KIF1B: variants seen among roughly 807,000 people sequenced by gnomAD.
KIF1B encodes kinesin-like protein KIF1B.
KIF1B carries 76 observed loss-of-function variants against 241.9 expected under a neutral mutation model. The observed-to-expected ratio is 0.31, with a 90% CI of 0.26 to 0.38. KIF1B has a LOEUF of 0.38. KIF1B is among the 10% of genes least tolerant of loss of function. The pLI is 1.00. For synonymous variants in KIF1B, 750 were observed against 796.7 expected (o/e 0.94, Z 0.99); for missense variants, 1,622 against 2,271.4 (o/e 0.71, Z 5.81).
At chr1:10,230,902 T>G (rs1646971545) in intron 1 of KIF1B, 1 of 152,144 alleles carries the variant, frequency 6.6e-6, no homozygotes, top group Admixed American at 6.6e-5. Context: ...CAGTGGCATA[T>G]CTGAGGGATC....
chr1:10,354,744 C>A (rs1007423484), intron 38 of KIF1B, among the ~76,000 whole-genome samples: 7 of 152,132 alleles, frequency 4.6e-5, no homozygotes, highest in African/African-American at 1.7e-4. Flanking sequence ...AGTGTCTGGG[C>A]AAATGAGACA....
At chr1:10,296,699 T>C (rs200888780) in intron 20 of KIF1B, 34 bp downstream of exon 20, 3 of 1,573,558 alleles carry the variant, frequency 1.9e-6, no homozygotes, top group African/African-American at 2.7e-5. Flanking sequence ...TCTTCAGCAA[T>C]GTGCACATGG....
chr1:10,217,245 AT>A (rs1646781186), intron 1 of KIF1B, among the ~76,000 whole-genome samples: 1 of 149,068 alleles, frequency 6.7e-6, no homozygotes, highest in African/African-American at 2.5e-5. Flanking sequence ...AAATGTTGGG[AT>A]TACGGGCGTG....
intron 24 of KIF1B, 22 bp from the exon 25 acceptor site, chr1:10,323,862 A>G (rs369667787): frequency 1.1e-5 from 18 of 1,607,984 alleles, no homozygotes; most frequent in African/African-American, 6.7e-5. Flanking sequence ...CCATTTGTCA[A>G]TGGTTTATTC....
intron 2 of KIF1B, among the ~76,000 whole-genome samples, chr1:10,242,466 C>G (rs576007359): frequency 1.1e-4 from 17 of 152,294 alleles, no homozygotes; most frequent in African/African-American, 4.1e-4. Context: ...TGGATCTAAA[C>G]ATATCTAACC....
At chr1:10,346,696 G>A (rs1325023218) in intron 35 of KIF1B, among the ~76,000 whole-genome samples, 1 of 152,176 alleles carries the variant, frequency 6.6e-6, no homozygotes, top group African/African-American at 2.4e-5. Flanking sequence ...ATCATAATGG[G>A]TTTTATTAGT....
At position 10,371,231 on chromosome 1, in the gene KIF1B, G is replaced by A. The variant is rs369686427; in HGVS notation, c.4915G>A (p.Val1639Ile). ...TCCCTCCTCCACCTGTCCCTCTCTGGTAGACTCTAGGAGCAACTCTCTGGA... is the reference window on the plus strand; with the variant it reads ...TCCCTCCTCCACCTGTCCCTCTCTGATAGACTCTAGGAGCAACTCTCTGGA... ...LTPSSTCPSL[V>I]DSRSNSLDQK... The change falls in exon 45 of 49, where the codon GTA (valine) becomes ATA (isoleucine). Residue 1639 changes from valine (V) to isoleucine (I), a missense_variant. By Grantham distance (29) the Val-to-Ile change is conservative. Transcript: ENST00000676179. 6.2e-7 allele frequency: 1 copy of A among 1,613,964 alleles called. No homozygotes were observed. The highest frequency in any genetic ancestry group is 8.5e-7 in the Non-Finnish European group (1 of 1,180,006).
intron 6 of KIF1B, 46 bp downstream of exon 6, chr1:10,267,604 G>T (rs752344181): frequency 6.3e-7 from 1 of 1,593,808 alleles, no homozygotes; most frequent in South Asian, 1.1e-5. Flanking sequence ...GGCACCTTTT[G>T]AGGTCCTTTT....
chr1:10,287,740 G>C (rs1388959912), intron 15 of KIF1B, among the ~76,000 whole-genome samples: 1 of 152,208 alleles, frequency 6.6e-6, no homozygotes, highest in African/African-American at 2.4e-5. Flanking sequence ...TTCCTAGACA[G>C]TAATTTTGCT....
chr1:10,213,735 C>G (rs1386830358), intron 1 of KIF1B, among the ~76,000 whole-genome samples: 2 of 152,146 alleles, frequency 1.3e-5, no homozygotes, highest in Non-Finnish European at 2.9e-5. Flanking sequence ...TATCTGGATT[C>G]TGTGAAACAG....
chr1:10,304,544 A>T, intron 22 of KIF1B: 1 of 1,614,130 alleles, frequency 6.2e-7, no homozygotes, highest in Non-Finnish European at 8.5e-7. Context: ...TATCAGAAGC[A>T]GACTGACAAA....
At chr1:10,350,282 G>A (rs1020900427) in intron 37 of KIF1B, among the ~76,000 whole-genome samples, 4 of 140,116 alleles carry the variant, frequency 2.9e-5, no homozygotes, top group South Asian at 2.3e-4. Flanking sequence ...TAAATAGGCC[G>A]GGCGTGGTGG....
rs537908242 is a variant in KIF1B at position 10,375,537 on chromosome 1, C to T, written c.5408+164C>T. ...TAGCTGAGACTACAGGCACGTGCCACCATTGCCTGGCTAATTTTCGTATTT... is the reference window on the plus strand; with the variant it reads ...TAGCTGAGACTACAGGCACGTGCCATCATTGCCTGGCTAATTTTCGTATTT... On this transcript the variant is annotated intron_variant, in intron 48 of 48. Coordinates refer to ENST00000676179, the MANE Select transcript of KIF1B (RefSeq NM_001365951.3). Among the ~76,000 whole-genome samples the T allele has an allele frequency of 1.8e-3, 270 of 152,184 alleles. 1 individual carries two copies. The highest frequency in any genetic ancestry group is 6.2e-3 in the African/African-American group (257 of 41,522).
intron 1 of KIF1B, among the ~76,000 whole-genome samples, chr1:10,223,795 C>T (rs972982606): frequency 9.2e-5 from 14 of 152,046 alleles, no homozygotes; most frequent in African/African-American, 3.4e-4. Flanking sequence ...CCGCCCGCCT[C>T]GGCCTCCCAA....
rs375971875 is a variant in KIF1B, at chr1:10,318,334, G to T, written c.2116-1709G>T. 2.6e-5 allele frequency among the ~76,000 whole-genome samples: 4 copies of T among 151,632 alleles called. No individual in the cohort carries two copies. The East Asian group carries it at 7.7e-4, about 29-fold the overall frequency. On this transcript the variant is annotated intron_variant, in intron 22 of 48. Transcript: ENST00000676179. ...CTTTATGATGCATGGAATGTTTGATGTGGGACTTGGAGAGCTCTGTTTGGA... is the reference window on the plus strand; with the variant it reads ...CTTTATGATGCATGGAATGTTTGATTTGGGACTTGGAGAGCTCTGTTTGGA...
intron 24 of KIF1B, 68 bp downstream of exon 24, chr1:10,321,925 T>A: frequency 6.4e-7 from 1 of 1,567,640 alleles, no homozygotes; most frequent in Non-Finnish European, 8.8e-7. Flanking sequence ...ATCTGGGTTC[T>A]CACCTTGAAT....
At chr1:10,213,352 C>T (rs1219449139) in intron 1 of KIF1B, among the ~76,000 whole-genome samples, 1 of 152,102 alleles carries the variant, frequency 6.6e-6, no homozygotes, top group Non-Finnish European at 1.5e-5. Context: ...GACTGTTTTT[C>T]CTTTTCAAGA....
rs537631026 is a variant in KIF1B, at chr1:10,377,100, A to G, written c.*513A>G. 6 of 244,298 alleles carry G rather than the reference A, an allele frequency of 2.5e-5. No individual in the cohort carries two copies. The highest frequency in any genetic ancestry group is 2.0e-4 in the Admixed American group (4 of 20,086). The allele number at this position is 244,298 out of a possible 1,614,324, so 15.1% of individuals were successfully genotyped here. On this transcript the variant is annotated 3_prime_UTR_variant, in exon 49 of 49. Coordinates refer to ENST00000676179, the MANE Select transcript of KIF1B (RefSeq NM_001365951.3). ...TGGCTTAGAGACTAAGGGAGGAGAC[A>G]TCTGGCCTTTTTAGAACCTGAGAGG...
chr1:10,308,330 A>C (rs1014985978), intron 22 of KIF1B: 3 of 1,055,336 alleles, frequency 2.8e-6, no homozygotes, highest in Non-Finnish European at 3.4e-6. Context: ...TCTTTCCCAG[A>C]TTTTAAAATC....
Sources: gnomAD v4.1 joint callset for allele counts (sites outside exome capture counted in the v4.1 genomes callset) on GRCh38, gnomAD v4.1.1 for gene constraint, MANE v1.5 for transcripts, NCBI Gene and HGNC (gene_info 2026-07-23, HGNC 2026-07-21) for gene names.